Variants in PVT1 observed in about 807,000 individuals in gnomAD.
PVT1 encodes the protein Pvt1 oncogene.
At chr8:127,868,544 C>T (rs1450957253) in intron 2 of PVT1, among the ~76,000 whole-genome samples, 1 of 151,530 alleles carries the variant, frequency 6.6e-6, no homozygotes, top group Non-Finnish European at 1.5e-5. Context: ...CATGCCACCA[C>T]ACCCAGCTAA....
chr8:127,851,335 C>A (rs1010780873), intron 2 of PVT1, among the ~76,000 whole-genome samples: 2 of 152,106 alleles, frequency 1.3e-5, no homozygotes, highest in Non-Finnish European at 2.9e-5. Context: ...ATGGTAAGAA[C>A]AAGGGCCATG....
intron 2 of PVT1, among the ~76,000 whole-genome samples, chr8:127,857,687 A>G (rs1056421996): frequency 6.6e-6 from 1 of 152,148 alleles, no homozygotes; most frequent in Non-Finnish European, 1.5e-5. Flanking sequence ...CAAAAAACAA[A>G]ACAAAACAAA....
At chr8:127,904,925 G>T (rs1442520579) in intron 3 of PVT1, among the ~76,000 whole-genome samples, 1 of 152,208 alleles carries the variant, frequency 6.6e-6, no homozygotes, top group Admixed American at 6.5e-5. Flanking sequence ...GCCTGCACAG[G>T]CTGTATGTCC....
At chr8:128,007,619 G>A (rs187476447) in intron 4 of PVT1, among the ~76,000 whole-genome samples, 2 of 152,280 alleles carry the variant, frequency 1.3e-5, no homozygotes, top group Admixed American at 1.3e-4. Context: ...TCTGTGAAGG[G>A]TATGTACTTC....
intron 4 of PVT1, among the ~76,000 whole-genome samples, chr8:128,065,720 G>C (rs1241599368): frequency 6.6e-6 from 1 of 151,220 alleles, no homozygotes; most frequent in African/African-American, 2.4e-5. Flanking sequence ...GCACCAAGGG[G>C]GGAAGAAGTG....
chr8:127,844,807 G>A (rs1815013440), intron 2 of PVT1, among the ~76,000 whole-genome samples: 1 of 152,022 alleles, frequency 6.6e-6, no homozygotes. Context: ...TCCGCCTCCT[G>A]GGTTCATGCC....
intron 4 of PVT1, among the ~76,000 whole-genome samples, chr8:127,995,723 A>G (rs919098862): frequency 6.6e-6 from 1 of 152,160 alleles, no homozygotes; most frequent in Non-Finnish European, 1.5e-5. Flanking sequence ...TAATAGCTCA[A>G]ATGTATTATT....
chr8:128,007,676 C>A (rs563570601), intron 4 of PVT1, among the ~76,000 whole-genome samples: 14 of 152,148 alleles, frequency 9.2e-5, no homozygotes, highest in Admixed American at 6.5e-5. Context: ...GTATGAGACA[C>A]CTTTTACTTT....
chr8:127,921,852 A>ATTTTTTTTTTTTTTTTTTTTTT (rs1816062657), intron 3 of PVT1, among the ~76,000 whole-genome samples: 1 of 82,014 alleles, frequency 1.2e-5, no homozygotes, highest in African/African-American at 4.0e-5. Context: ...TTTTTGGTTC[A>ATTTTTTTTTTTTTTTTTTTTTT]TGTTTTTTTT....
intron 3 of PVT1, among the ~76,000 whole-genome samples, chr8:127,918,399 G>C (rs1386251878): frequency 1.3e-5 from 2 of 152,190 alleles, no homozygotes; most frequent in African/African-American, 4.8e-5. Flanking sequence ...TGAATGGAGG[G>C]CATCCTTTCT....
intron 3 of PVT1, among the ~76,000 whole-genome samples, chr8:127,958,106 G>A (rs1816593524): frequency 6.6e-6 from 1 of 152,194 alleles, no homozygotes; most frequent in African/African-American, 2.4e-5. Context: ...AGAGTGGTTG[G>A]TTGGCTGATC....
intron 5 of PVT1, among the ~76,000 whole-genome samples, chr8:128,086,120 T>C (rs1428010285): frequency 6.6e-6 from 1 of 152,252 alleles, no homozygotes; most frequent in Non-Finnish European, 1.5e-5. Flanking sequence ...GTCGATAAGT[T>C]GTTTTCAGCA....
chr8:128,063,046 G>C (rs1352463488), intron 4 of PVT1, among the ~76,000 whole-genome samples: 5 of 152,144 alleles, frequency 3.3e-5, no homozygotes, highest in Admixed American at 2.6e-4. Flanking sequence ...ATTGATGTGA[G>C]ACATACTAGG....
intron 4 of PVT1, among the ~76,000 whole-genome samples, chr8:128,052,917 A>G (rs1040893026): frequency 1.3e-5 from 2 of 152,256 alleles, no homozygotes; most frequent in African/African-American, 4.8e-5. Flanking sequence ...AGTAGATGGT[A>G]AAACCAGGAT....
chr8:127,858,100 G>T (rs952686019), intron 2 of PVT1, among the ~76,000 whole-genome samples: 9 of 152,164 alleles, frequency 5.9e-5, no homozygotes, highest in African/African-American at 2.2e-4. Flanking sequence ...CACCAGAAAG[G>T]TGGTCTTAGG....
intron 2 of PVT1, among the ~76,000 whole-genome samples, chr8:127,831,870 G>C (rs933978339): frequency 5.9e-5 from 9 of 152,222 alleles, no homozygotes; most frequent in African/African-American, 1.9e-4. Flanking sequence ...GAAGGTGACT[G>C]CTCTTGCGTT....
At chr8:128,033,786 C>A (rs1184564829) in intron 4 of PVT1, among the ~76,000 whole-genome samples, 3 of 152,166 alleles carry the variant, frequency 2.0e-5, no homozygotes, top group African/African-American at 7.2e-5. Context: ...CTCCTTTGTT[C>A]CCCTTCACCA....
rs73710126 is a variant in PVT1 at position 128,056,601 on chromosome 8, G to A, written n.913-13559G>A. 6.9e-4 allele frequency among the ~76,000 whole-genome samples: 105 copies of A among 152,262 alleles called. 1 individual carries two copies. The highest frequency in any genetic ancestry group is 2.5e-3 in the African/African-American group (103 of 41,558). On this transcript the variant is annotated intron_variant and non_coding_transcript_variant, in intron 4 of 10. Coordinates refer to ENST00000651587, the Ensembl canonical transcript of PVT1. ...CTTGAGAACTGGTCTTCAGCTGGGT[G>A]TTGAACTGGGACCTCCCGAGGCCAA...
At chr8:127,875,363 GTCTCTC>G (rs139309505) in intron 2 of PVT1, among the ~76,000 whole-genome samples, 64 of 149,712 alleles carry the variant, frequency 4.3e-4, no homozygotes, top group East Asian at 1.2e-3. Context: ...CTCTGTCTCT[GTCTCTC>G]TCTCTCTCTC....
Sources: gnomAD v4.1 joint callset for allele counts (sites outside exome capture counted in the v4.1 genomes callset) on GRCh38, gnomAD v4.1.1 for gene constraint, MANE v1.5 for transcripts, NCBI Gene and HGNC (gene_info 2026-07-23, HGNC 2026-07-21) for gene names.